The following SAMD5 variants were observed in gnomAD, a reference collection of about 807,000 sequenced individuals.
SAMD5 encodes sterile alpha motif domain containing 5.
Under a neutral mutation model 11.3 loss-of-function variants are expected in SAMD5, and 13 were observed. The observed-to-expected ratio is 1.15, with a 90% CI of 0.75 to 1.83. The LOEUF is 1.83. Ranked by LOEUF, SAMD5 falls within the 40% of genes most tolerant of loss-of-function variation. The pLI is 0.00. For missense variants in SAMD5, 255 were observed against 239.1 expected, an observed-to-expected ratio of 1.07 and a Z score of -0.44; for synonymous variants, 129 against 111.3, an observed-to-expected ratio of 1.16 and a Z score of -1.00.
intron 1 of SAMD5, among the ~76,000 whole-genome samples, chr6:147,527,285 G>A (rs1032006071): frequency 1.3e-5 from 2 of 152,140 alleles, no homozygotes; most frequent in African/African-American, 4.8e-5. Flanking sequence ...TCTGCTTCCA[G>A]GGAGGCCTCA....
the SAMD5 span, among the ~76,000 whole-genome samples, chr6:147,790,798 CTCTCTCTCTCTCTCTCTCTCTCTCTCTCT>C: frequency 7.6e-5 from 9 of 118,280 alleles, no homozygotes; most frequent in African/African-American, 3.7e-4. Flanking sequence ...CTCTCTCTCT[CTCTCTCTCTCTCTCTCTCTCTCTCTCTCT>C]TCTCTGTCTC....
chr6:147,737,444 C>A, exon 2 of SAMD5: 1 of 839,226 alleles, frequency 1.2e-6, no homozygotes, highest in Non-Finnish European at 1.7e-6. Context: ...TCTTTGGACA[C>A]ATAATTTTGC....
At chr6:147,702,127 A>T (rs992941097) in intron 1 of SAMD5, among the ~76,000 whole-genome samples, 7 of 152,212 alleles carry the variant, frequency 4.6e-5, no homozygotes, top group Admixed American at 4.6e-4. Context: ...GAGCAAAGGG[A>T]CATCTTACAT....
At chr6:147,644,172 T>A (rs892356211) in intron 1 of SAMD5, among the ~76,000 whole-genome samples, 3 of 152,070 alleles carry the variant, frequency 2.0e-5, no homozygotes, top group Non-Finnish European at 4.4e-5. Flanking sequence ...AAGTGTCTGC[T>A]CCTGAAATGC....
intron 1 of SAMD5, among the ~76,000 whole-genome samples, chr6:147,660,254 C>T (rs1274019743): frequency 6.6e-6 from 1 of 152,146 alleles, no homozygotes. Flanking sequence ...TCATATTCTA[C>T]CATTTATTAC....
At chr6:147,770,429 C>T in the SAMD5 span, among the ~76,000 whole-genome samples, 19 of 152,154 alleles carry the variant, frequency 1.2e-4, no homozygotes, top group African/African-American at 4.3e-4. Context: ...ATTTAAGTAA[C>T]GAGACTGCTG....
the SAMD5 span, among the ~76,000 whole-genome samples, chr6:147,778,894 C>A: frequency 1.3e-5 from 2 of 152,046 alleles, no homozygotes; most frequent in Non-Finnish European, 2.9e-5. Context: ...GTGGAAGATA[C>A]AGTGTCTGCC....
intron 1 of SAMD5, among the ~76,000 whole-genome samples, chr6:147,540,778 G>T (rs112723975): frequency 2.0e-4 from 2 of 9,854 alleles, no homozygotes; most frequent in African/African-American, 5.1e-3. Context: ...AGAGAGAGAG[G>T]GGGGGGGTCC....
chr6:147,747,676 A>G, the SAMD5 span, among the ~76,000 whole-genome samples: 2 of 151,776 alleles, frequency 1.3e-5, no homozygotes, highest in East Asian at 3.9e-4. Flanking sequence ...ACGCCCGGCT[A>G]ATTTTTTTTG....
At chr6:147,892,317 T>C in the SAMD5 span, among the ~76,000 whole-genome samples, 1 of 152,242 alleles carries the variant, frequency 6.6e-6, no homozygotes, top group Non-Finnish European at 1.5e-5. Context: ...GAATTCAAAC[T>C]TCTGAATGTA....
chr6:147,678,246 A>G (rs9784806), intron 1 of SAMD5, among the ~76,000 whole-genome samples: 2 of 139,666 alleles, frequency 1.4e-5, no homozygotes, highest in Non-Finnish European at 3.1e-5. Context: ...TGTCACTATT[A>G]AAAATAAAAC....
the SAMD5 span, among the ~76,000 whole-genome samples, chr6:147,805,698 G>A: frequency 2.0e-5 from 3 of 152,114 alleles, no homozygotes; most frequent in Admixed American, 1.3e-4. Context: ...AGCTCAGCAA[G>A]ATAGAGTAAA....
intron 1 of SAMD5, among the ~76,000 whole-genome samples, chr6:147,549,018 C>T (rs1788727240): frequency 1.3e-5 from 2 of 152,054 alleles, no homozygotes; most frequent in African/African-American, 2.4e-5. Context: ...AAATCTTTTC[C>T]CTTAGTCACA....
rs73787348 is a variant in SAMD5, at chr6:147,643,318, C to T, written c.163-93999C>T. On this transcript the variant is annotated intron_variant, in intron 1 of 1. Transcript: ENST00000566741. Reference sequence around the variant, plus strand: ...GAATTAAATATTTGCTTAGATGTGCCTTCCACAGTTCTTTCAATCATGTGG... The same window carrying T: ...GAATTAAATATTTGCTTAGATGTGCTTTCCACAGTTCTTTCAATCATGTGG... Among the ~76,000 whole-genome samples the T allele has an allele frequency of 7.4e-3, 1,119 of 152,200 alleles. 13 individuals are homozygous for T. Among genetic ancestry groups the T allele is most frequent in the African/African-American group, 0.025 (1,058 of 41,528 alleles).
At chr6:147,762,934 G>T in the SAMD5 span, among the ~76,000 whole-genome samples, 1 of 152,010 alleles carries the variant, frequency 6.6e-6, no homozygotes, top group Admixed American at 6.6e-5. Context: ...TTCATTGGTA[G>T]GATTTAATAA....
chr6:147,584,897 A>C (rs552926387), intron 1 of SAMD5, among the ~76,000 whole-genome samples: 104 of 152,322 alleles, frequency 6.8e-4, no homozygotes, highest in African/African-American at 2.3e-3. Flanking sequence ...ATGAGAGAAA[A>C]ATCTGTTGAT....
chr6:147,614,962 C>T (rs1399376973), intron 1 of SAMD5, among the ~76,000 whole-genome samples: 3 of 151,774 alleles, frequency 2.0e-5, no homozygotes, highest in African/African-American at 2.4e-5. Flanking sequence ...ATGTTATAAA[C>T]ACATTTATAT....
At chr6:147,866,711 A>G in the SAMD5 span, among the ~76,000 whole-genome samples, 7 of 152,192 alleles carry the variant, frequency 4.6e-5, no homozygotes, top group Admixed American at 4.6e-4. Flanking sequence ...AACCTGGTAA[A>G]ATAGTCAGTA....
At chr6:147,811,734 AC>A in the SAMD5 span, among the ~76,000 whole-genome samples, 1 of 152,074 alleles carries the variant, frequency 6.6e-6, no homozygotes, top group Admixed American at 6.6e-5. Context: ...CCAACAATGA[AC>A]TTTAGATACT....
Sources: allele counts gnomAD v4.1 joint callset (sites outside exome capture counted in the v4.1 genomes callset), GRCh38; gene constraint gnomAD v4.1.1; transcripts MANE v1.5; gene names NCBI Gene and HGNC (gene_info 2026-07-23, HGNC 2026-07-21).